The following SEC14L3 variants were observed in gnomAD, a reference collection of about 807,000 sequenced individuals.
SEC14L3 encodes the protein SEC14-like protein 3.
Under a neutral mutation model 57.4 loss-of-function variants are expected in SEC14L3, and 56 were observed. The ratio of observed to expected loss-of-function variants is 0.97; its 90% confidence interval spans 0.79 to 1.22. SEC14L3 has a LOEUF of 1.22. SEC14L3 is among the 50% of genes most tolerant of loss of function. The probability of loss-of-function intolerance (pLI) is 0.00; values close to 1 mark genes in which losing one functional copy is unlikely to be tolerated. For synonymous variants in SEC14L3, 173 were observed against 194.4 expected, an observed-to-expected ratio of 0.89 and a Z score of 0.92; for missense variants, 485 against 511.7, an observed-to-expected ratio of 0.95 and a Z score of 0.50.
chr22:30,461,461 A>C lies in SEC14L3; in HGVS notation c.930T>G (p.Asp310Glu), dbSNP rs5749104. 1 of 1,613,436 alleles carries C rather than the reference A, an allele frequency of 6.2e-7. No individual in the cohort carries two copies. The highest frequency in any genetic ancestry group is 8.5e-7 in the Non-Finnish European group (1 of 1,179,640). Residue 310 changes from aspartate (D) to glutamate (E), a missense_variant, in exon 11 of 12, where the codon GAT becomes GAG. Physicochemically the swap from Asp to Glu is conservative, Grantham distance 45 (BLOSUM62 2). Transcript: ENST00000215812. ...AAACTCCGAAGCCGATGTCCGCACC[A>C]TCAGATGAGAACTGCCACCTGTCAG... ...GCVLRWQFSS[D>E]GADIGFGVFL...
rs554371076 is a variant in SEC14L3, at chr22:30,471,154, A to G, written c.55-572T>C. ...ACAAAAATTAGCCAGGTGTGGTGGC[A>G]CATGCCTGTAATCCCAGCTACTCAG... On this transcript the variant is annotated intron_variant, in intron 1 of 11. Coordinates refer to ENST00000215812, the MANE Select transcript of SEC14L3 (RefSeq NM_174975.5). The G allele has an allele frequency of 5.3e-4, 191 of 361,464 alleles. No homozygotes were observed. The East Asian group carries it at 0.012, about 23-fold the overall frequency. The allele number at this position is 361,464 out of a possible 1,614,324, so 22.4% of individuals were successfully genotyped here.
intron 5 of SEC14L3, 121 bp downstream of exon 5, chr22:30,468,387 G>T: frequency 1.5e-6 from 1 of 660,006 alleles, no homozygotes. Flanking sequence ...CAACAGAGCT[G>T]GTGTTTGACC....
At chr22:30,453,970 C>T (rs1311120498) in intron 12 of SEC14L3, among the ~76,000 whole-genome samples, 1 of 152,196 alleles carries the variant, frequency 6.6e-6, no homozygotes, top group East Asian at 1.9e-4. Context: ...CTCCCCCCAA[C>T]TGCTGTCCAG....
exon 13 of SEC14L3, chr22:30,448,884 C>A (rs1934928235): frequency 3.6e-6 from 2 of 559,812 alleles, no homozygotes; most frequent in Admixed American, 6.1e-5. Flanking sequence ...AAAGCAAAGC[C>A]CTGTCTCTAA....
intron 5 of SEC14L3, among the ~76,000 whole-genome samples, chr22:30,468,152 G>A (rs915062184): frequency 5.9e-5 from 9 of 151,968 alleles, no homozygotes; most frequent in South Asian, 4.2e-4. Context: ...GGTGGCGGGC[G>A]CCTGTAATCC....
At chr22:30,471,202 T>C (rs1365165855) in intron 1 of SEC14L3, 1 of 421,288 alleles carries the variant, frequency 2.4e-6, no homozygotes, top group Non-Finnish European at 4.7e-6. Context: ...GGAGAATTGC[T>C]TGAACCTGGG....
chr22:30,460,427 G>A (rs1935217285), intron 11 of SEC14L3, among the ~76,000 whole-genome samples: 1 of 152,190 alleles, frequency 6.6e-6, no homozygotes, highest in Non-Finnish European at 1.5e-5. Context: ...GCACATGACG[G>A]GGCTGTGAAG....
Position 30,461,379 on chromosome 22 carries a change from GT to G in SEC14L3, c.1011del (p.Ser339AlafsTer73), listed in dbSNP as rs1220487110. 19 of 1,614,012 alleles carry G rather than the reference GT, an allele frequency of 1.2e-5. No homozygotes were observed. The highest frequency in any genetic ancestry group is 1.6e-5 in the Non-Finnish European group (19 of 1,179,934). ...RQRAGEMTDV[L>X]PSQRYNAHMV... ...ATGTGGGCGTTATAGCGCTGGCTGG[GT>G]AGAACATCTGTCATCTCCCCTGCCC... On this transcript the variant is annotated frameshift_variant, in exon 11 of 12. Coordinates refer to ENST00000215812, the MANE Select transcript of SEC14L3 (RefSeq NM_174975.5). LOFTEE classifies it high-confidence loss of function.
At chr22:30,468,811 C>CT (rs774139844) in intron 4 of SEC14L3, 115 bp from the exon 5 acceptor site, 1 of 1,590,926 alleles carries the variant, frequency 6.3e-7, no homozygotes, top group South Asian at 1.1e-5. Flanking sequence ...AGCACTGTCC[C>CT]TCCCTGGAAG....
downstream of SEC14L3, among the ~76,000 whole-genome samples, chr22:30,454,431 C>A (rs1257863222): frequency 6.7e-6 from 1 of 149,672 alleles, no homozygotes. Context: ...GAGGCAGTGG[C>A]CCCTTCAGAA....
chr22:30,459,773 G>A lies in SEC14L3; in HGVS notation c.*248C>T. 8.5e-7 allele frequency: 1 copy of A among 1,178,728 alleles called. No individual in the cohort carries two copies. The highest frequency in any genetic ancestry group is 1.1e-6 in the Non-Finnish European group (1 of 948,482). The allele number at this position is 1,178,728 out of a possible 1,614,324, so 73.0% of individuals were successfully genotyped here. A position where few individuals can be genotyped will look rare whatever the true frequency, so the allele number is the denominator to read the frequency against. Reference sequence around the variant, plus strand: ...CATTTTGCTATTTATTGAGTTTCATGACACCCACTTCTTGCCTTTACCCTT... The same window carrying A: ...CATTTTGCTATTTATTGAGTTTCATAACACCCACTTCTTGCCTTTACCCTT... On this transcript the variant is annotated 3_prime_UTR_variant, in exon 12 of 12. Coordinates refer to ENST00000215812, the MANE Select transcript of SEC14L3 (RefSeq NM_174975.5).
rs1935287820 is a variant in SEC14L3 at position 30,462,124 on chromosome 22, G to T, written c.733C>A (p.Leu245Met). Residue 245 changes from leucine to methionine, a missense_variant, in exon 9 of 12, where the codon CTG becomes ATG. Transcript: ENST00000215812. ...EELPAQFGGT[L>M]TDPDGNPKCL... ...TTGGGGTTCCCATCTGGGTCAGTCA[G>T]GGTGCCCCCAAACTGGGCAGGCAGT... 5.6e-6 allele frequency: 9 copies of T among 1,614,014 alleles called. No homozygotes were observed. Among genetic ancestry groups the T allele is most frequent in the Admixed American group, 1.7e-5 (1 of 60,008 alleles).
intron 8 of SEC14L3, among the ~76,000 whole-genome samples, chr22:30,464,352 G>T (rs1935351665): frequency 6.6e-6 from 1 of 152,200 alleles, no homozygotes; most frequent in Admixed American, 6.5e-5. Flanking sequence ...GTATGGCAGG[G>T]AAAAGAGCAA....
Position 30,459,251 on chromosome 22 carries a change from G to A in SEC14L3, c.*770C>T, listed in dbSNP as rs1935176232. On this transcript the variant is annotated 3_prime_UTR_variant, in exon 12 of 12. Transcript: ENST00000215812. ...AAATGATAGTTGTTTTCTTTATTAT[G>A]ATTATGCCAGATGTGACTGCCTTTG... 2 of 984,482 alleles carry A rather than the reference G, an allele frequency of 2.0e-6. No homozygotes were observed. Among genetic ancestry groups the A allele is most frequent in the Non-Finnish European group, 2.4e-6 (2 of 829,202 alleles). 61.0% of individuals were successfully genotyped at this position (984,482 alleles called of 1,614,324 possible).
chr22:30,458,891 G>A (rs1263437418), downstream of SEC14L3, among the ~76,000 whole-genome samples: 1 of 152,176 alleles, frequency 6.6e-6, no homozygotes, highest in Non-Finnish European at 1.5e-5. Context: ...TGTAGTCCCA[G>A]CTACTCAGGA....
exon 13 of SEC14L3, chr22:30,448,551 T>G: frequency 8.1e-6 from 1 of 123,016 alleles, no homozygotes; most frequent in African/African-American, 3.3e-5. Flanking sequence ...ACTAAACAAA[T>G]GCCTTACATT....
intron 9 of SEC14L3, 93 bp from the exon 10 acceptor site, chr22:30,461,787 A>G: frequency 2.0e-6 from 3 of 1,485,468 alleles, no homozygotes; most frequent in Middle Eastern, 2.3e-4. Flanking sequence ...TCCTGGAAGT[A>G]TCCTCTTCAT....
At position 30,459,362 on chromosome 22, in the gene SEC14L3, G is replaced by C. The variant is rs1033139450; in HGVS notation, c.*659C>G. ...AAGCTGAGCGTGCAAGTCAGACAAA[G>C]CCTGATGTAGGCAGCTCCTATCAGA... On this transcript the variant is annotated 3_prime_UTR_variant, in exon 12 of 12. Coordinates refer to ENST00000215812, the MANE Select transcript of SEC14L3 (RefSeq NM_174975.5). 10 of 985,336 alleles carry C rather than the reference G, an allele frequency of 1.0e-5. No homozygotes were observed. The African/African-American group carries it at 1.7e-4, about 17-fold the overall frequency. 61.0% of individuals were successfully genotyped at this position (985,336 alleles called of 1,614,324 possible).
chr22:30,464,969 G>T, intron 7 of SEC14L3, 66 bp from the exon 8 acceptor site: 2 of 1,607,986 alleles, frequency 1.2e-6, no homozygotes, highest in Non-Finnish European at 1.7e-6. Context: ...CTCCATAATG[G>T]TTATAGCCAA....
Sources: allele counts gnomAD v4.1 joint callset (sites outside exome capture counted in the v4.1 genomes callset), GRCh38; gene constraint gnomAD v4.1.1; transcripts MANE v1.5; gene names NCBI Gene and HGNC (gene_info 2026-07-23, HGNC 2026-07-21).